The following SPOCK2 variants were observed in gnomAD, a reference collection of about 807,000 sequenced individuals.
SPOCK2 encodes the protein SPARC (osteonectin), cwcv and kazal like domains proteoglycan 2.
Under a neutral mutation model 60.1 loss-of-function variants are expected in SPOCK2, and 39 were observed. That is an observed-to-expected ratio of 0.65 (90% CI 0.50 to 0.85). SPOCK2 has a LOEUF of 0.85. Ranked by LOEUF, SPOCK2 falls within the 40% of genes least tolerant of loss-of-function variation. The probability of loss-of-function intolerance (pLI) is 0.00; values close to 1 mark genes in which losing one functional copy is unlikely to be tolerated. For synonymous variants in SPOCK2, 217 were observed against 231.5 expected (o/e 0.94, Z 0.57); for missense variants, 523 against 567.4 (o/e 0.92, Z 0.80).
At chr10:72,064,055 A>G in intron 9 of SPOCK2, 123 bp downstream of exon 9, 1 of 1,276,238 alleles carries the variant, frequency 7.8e-7, no homozygotes, top group Non-Finnish European at 1.1e-6. Context: ...CTGTCTTCCT[A>G]GGCCAGGGCC....
At position 72,062,811 on chromosome 10, in the gene SPOCK2, C is replaced by G. The variant is rs766818348; in HGVS notation, c.1224G>C (p.Glu408Asp). 3 of 1,610,058 alleles carry G rather than the reference C, an allele frequency of 1.9e-6. No homozygotes were observed. The East Asian group carries it at 6.7e-5, about 36-fold the overall frequency. ...KETEEAGEEA[E>D]EEEGEAGEAD... ...CCTCGCCTGCCTCGCCCTCCTCCTC[C>G]TCGGCCTCCTCGCCTGCTTCCTCCG... The change falls in exon 11 of 11, where the codon GAG becomes GAC. Residue 408 changes from glutamate (E) to aspartate (D), a missense_variant. Glu to Asp is a conservative substitution (Grantham distance 45). Coordinates refer to ENST00000373109, the MANE Select transcript of SPOCK2 (RefSeq NM_001244950.2). This position sits in a 1 kb window ranked among gnomAD's most constrained non-coding sequence, Gnocchi z 4.3.
At chr10:72,072,763 C>T (rs1185378503) in intron 2 of SPOCK2, 139 bp downstream of exon 2, 13 of 1,417,656 alleles carry the variant, frequency 9.2e-6, no homozygotes, top group East Asian at 2.5e-5. Flanking sequence ...CAGCCTCTCC[C>T]GTGAGCTCCT....
intron 5 of SPOCK2, among the ~76,000 whole-genome samples, chr10:72,069,558 C>T (rs1292380599): frequency 6.6e-6 from 1 of 150,530 alleles, no homozygotes; most frequent in Non-Finnish European, 1.5e-5. Flanking sequence ...CAGCCTCGAA[C>T]TCCTGGCATC....
chr10:72,063,593 C>G (rs1242621283), intron 9 of SPOCK2, among the ~76,000 whole-genome samples: 1 of 152,256 alleles, frequency 6.6e-6, no homozygotes, highest in African/African-American at 2.4e-5. Context: ...CCGGGGCCCA[C>G]TTGCTTTCCT....
chr10:72,080,971 C>T (rs988598424), intron 1 of SPOCK2, among the ~76,000 whole-genome samples: 5 of 152,178 alleles, frequency 3.3e-5, no homozygotes, highest in African/African-American at 9.6e-5. Flanking sequence ...CAGAGAACAG[C>T]GGGAGGTGTG....
chr10:72,087,545 C>T lies in SPOCK2; in HGVS notation c.189+595G>A, dbSNP rs574502447. 1.3e-5 allele frequency among the ~76,000 whole-genome samples: 2 copies of T among 152,336 alleles called. No individual in the cohort carries two copies. The highest frequency in any genetic ancestry group is 4.8e-5 in the African/African-American group (2 of 41,576). ...ACCCCAGCCCACCCCCGTACGGACA[C>T]GCCTTCCACCATCTCGCCTAGAAGG... On this transcript the variant is annotated intron_variant, in intron 1 of 10. Coordinates refer to ENST00000373109, the MANE Select transcript of SPOCK2 (RefSeq NM_001244950.2). This position sits in a 1 kb window ranked among gnomAD's most constrained non-coding sequence, Gnocchi z 4.7.
At chr10:72,069,824 C>A (rs945407264) in intron 5 of SPOCK2, among the ~76,000 whole-genome samples, 1 of 152,172 alleles carries the variant, frequency 6.6e-6, no homozygotes, top group African/African-American at 2.4e-5. Flanking sequence ...ACATAAGGTG[C>A]AAATTCATTC....
At chr10:72,080,032 C>A (rs1179253822) in intron 1 of SPOCK2, among the ~76,000 whole-genome samples, 1 of 152,086 alleles carries the variant, frequency 6.6e-6, no homozygotes, top group African/African-American at 2.4e-5. Context: ...TCAAAAGACA[C>A]AAGACAGGAC....
rs1474833738 is a variant in SPOCK2 at position 72,067,602 on chromosome 10, A to G, written c.709+11T>C. 3 of 1,611,760 alleles carry G rather than the reference A, an allele frequency of 1.9e-6. No homozygotes were observed. The highest frequency in any genetic ancestry group is 2.5e-6 in the Non-Finnish European group (3 of 1,179,976). On this transcript the variant is annotated intron_variant, in intron 7 of 10. Coordinates refer to ENST00000373109, the MANE Select transcript of SPOCK2 (RefSeq NM_001244950.2). ...CCCTCCCTCCTCCAGGCAGAGCAGC[A>G]AGCTTCCTACCGCTGGCCGGGCCGG...
intron 3 of SPOCK2, 122 bp from the exon 4 acceptor site, chr10:72,072,380 G>C: frequency 1.1e-5 from 17 of 1,509,224 alleles, no homozygotes; most frequent in Non-Finnish European, 1.3e-5. Context: ...CCTGAGCTCA[G>C]GAGTCCCATC....
chr10:72,082,608 C>CT (rs1409354693), intron 1 of SPOCK2, among the ~76,000 whole-genome samples: 3 of 151,924 alleles, frequency 2.0e-5, no homozygotes, highest in Non-Finnish European at 4.4e-5. Context: ...AATCCTAGCA[C>CT]TTTGGGAGGC....
chr10:72,076,871 T>C (rs1468627589), intron 1 of SPOCK2, among the ~76,000 whole-genome samples: 1 of 152,204 alleles, frequency 6.6e-6, no homozygotes, highest in Non-Finnish European at 1.5e-5. Flanking sequence ...TGGCCAGAGA[T>C]GGCAAGACAA....
At chr10:72,068,343 C>G in intron 5 of SPOCK2, 42 bp from the exon 6 acceptor site, 2 of 1,535,692 alleles carry the variant, frequency 1.3e-6, no homozygotes, top group Non-Finnish European at 1.8e-6. Context: ...GAGGGCTTAC[C>G]CCAGGGGTCC....
At position 72,087,079 on chromosome 10, in the gene SPOCK2, C is replaced by A; in HGVS notation, c.189+1061G>T. The A allele has an allele frequency of 6.9e-7, 1 of 1,442,682 alleles. No homozygotes were observed. 89.4% of individuals were successfully genotyped at this position (1,442,682 alleles called of 1,614,324 possible). A position where few individuals can be genotyped will look rare whatever the true frequency, so the allele number is the denominator to read the frequency against. ...TGAGCACCAGGTCGCCAGGAGCAGCCGGCGTCGCCTCTGGCGCATCCGGGC... is the reference window on the plus strand; with the variant it reads ...TGAGCACCAGGTCGCCAGGAGCAGCAGGCGTCGCCTCTGGCGCATCCGGGC... On this transcript the variant is annotated intron_variant, in intron 1 of 10. Transcript: ENST00000373109. This position sits in a 1 kb window ranked among gnomAD's most constrained non-coding sequence, Gnocchi z 4.7.
chr10:72,086,866 A>G lies in SPOCK2; in HGVS notation c.189+1274T>C, dbSNP rs1589127387. 1.9e-6 allele frequency: 3 copies of G among 1,549,882 alleles called. No homozygotes were observed. In the East Asian group the frequency reaches 7.3e-5, roughly 38 times the overall value. On this transcript the variant is annotated intron_variant, in intron 1 of 10. Coordinates refer to ENST00000373109, the MANE Select transcript of SPOCK2 (RefSeq NM_001244950.2). The stretch of plus-strand genomic sequence containing the variant: ...CTGCCTCTTCCCATCACTTGGCTGG[A>G]TAGCCTATGAAGCATGTGTGTTTTA...
chr10:72,076,837 G>A (rs11592980), intron 1 of SPOCK2, among the ~76,000 whole-genome samples: 26,167 of 152,240 alleles, frequency 0.17, 2,932 homozygotes, highest in Middle Eastern at 0.29. Flanking sequence ...AGGAGAAAAC[G>A]AAGGCTCAGA....
chr10:72,063,492 T>A (rs1840525824), intron 9 of SPOCK2, among the ~76,000 whole-genome samples: 1 of 152,158 alleles, frequency 6.6e-6, no homozygotes, highest in Non-Finnish European at 1.5e-5. Context: ...GGTTTGACAC[T>A]CTCCATCCTC....
intron 7 of SPOCK2, among the ~76,000 whole-genome samples, chr10:72,067,405 A>T (rs964940115): frequency 5.3e-5 from 8 of 152,054 alleles, no homozygotes; most frequent in African/African-American, 1.9e-4. Context: ...CCCTCCACCC[A>T]TGTTAAGTTC....
chr10:72,072,873 C>T (rs1589121612), intron 2 of SPOCK2, 29 bp downstream of exon 2: 3 of 1,552,944 alleles, frequency 1.9e-6, no homozygotes, highest in South Asian at 1.2e-5. Flanking sequence ...GCAGAGACCA[C>T]ACAGAGTGGG....
Sources: allele counts gnomAD v4.1 joint callset (sites outside exome capture counted in the v4.1 genomes callset), GRCh38; gene constraint gnomAD v4.1.1; non-coding constraint Gnocchi (gnomAD v3.1); transcripts MANE v1.5; gene names NCBI Gene and HGNC (gene_info 2026-07-23, HGNC 2026-07-21).